Variants in USP8 observed in about 807,000 individuals in gnomAD.
The protein encoded by USP8 is ubiquitin carboxyl-terminal hydrolase 8.
A neutral mutation model predicts 130.0 loss-of-function variants in USP8; 27 were observed. The observed-to-expected ratio is 0.21, with a 90% CI of 0.15 to 0.29. The LOEUF (loss-of-function observed/expected upper bound fraction) is 0.29. Among genes scored for constraint, USP8 ranks in the 10% least tolerant of loss-of-function variants. USP8 has a pLI of 1.00. For missense variants in USP8, 1,029 were observed against 1,312.2 expected (o/e 0.78, Z 3.33); for synonymous variants, 392 against 444.1 (o/e 0.88, Z 1.48).
intron 10 of USP8, among the ~76,000 whole-genome samples, chr15:50,480,724 T>C (rs1406443445): frequency 1.3e-5 from 2 of 151,898 alleles, no homozygotes; most frequent in African/African-American, 2.4e-5. Flanking sequence ...TTACAGACTA[T>C]GGTAAAGATT....
chr15:50,473,431 A>T (rs911745014), intron 8 of USP8, among the ~76,000 whole-genome samples: 1 of 152,208 alleles, frequency 6.6e-6, no homozygotes, highest in Non-Finnish European at 1.5e-5. Flanking sequence ...AAAAGTCTGT[A>T]CATGCTCAGT....
intron 3 of USP8, among the ~76,000 whole-genome samples, chr15:50,442,367 G>C (rs984957067): frequency 2.0e-5 from 3 of 152,076 alleles, no homozygotes; most frequent in Admixed American, 6.6e-5. Flanking sequence ...GGAGGGCAGG[G>C]GCAATATAAA....
intron 10 of USP8, among the ~76,000 whole-genome samples, chr15:50,479,228 G>T (rs967029044): frequency 2.6e-5 from 4 of 152,192 alleles, no homozygotes; most frequent in Non-Finnish European, 5.9e-5. Context: ...TAGCTGAGAA[G>T]ATCAAGGACG....
At chr15:50,485,841 C>T (rs1311543993) in intron 12 of USP8, among the ~76,000 whole-genome samples, 1 of 152,040 alleles carries the variant, frequency 6.6e-6, no homozygotes, top group Admixed American at 6.6e-5. Flanking sequence ...ATAGTGTTTG[C>T]ATATAACCTA....
At chr15:50,441,969 C>CTTTT (rs1011150634) in intron 3 of USP8, among the ~76,000 whole-genome samples, 40 of 81,416 alleles carry the variant, frequency 4.9e-4, no homozygotes, top group Non-Finnish European at 6.6e-4. Flanking sequence ...CTCCCTAAAT[C>CTTTT]TTTTTTTTTT....
intron 8 of USP8, among the ~76,000 whole-genome samples, chr15:50,472,259 T>G (rs576655748): frequency 6.6e-6 from 1 of 152,022 alleles, no homozygotes; most frequent in East Asian, 1.9e-4. Flanking sequence ...TTGTTTTGGC[T>G]GGGTGTGGTA....
intron 3 of USP8, among the ~76,000 whole-genome samples, chr15:50,445,067 T>A (rs190882964): frequency 6.6e-6 from 1 of 151,694 alleles, no homozygotes; most frequent in East Asian, 2.0e-4. Context: ...TGCAGAACTG[T>A]TTTCTGTTTT....
chr15:50,497,860 AATTTTTGTGTCAAAAAAGC>A (rs2052477329), intron 18 of USP8, among the ~76,000 whole-genome samples: 1 of 152,182 alleles, frequency 6.6e-6, no homozygotes, highest in Non-Finnish European at 1.5e-5. Flanking sequence ...TGAGAGCTGT[AATTTTTGTGTCAAAAAAGC>A]ATTTCTGTTA....
At chr15:50,437,444 T>G (rs1011649928) in intron 1 of USP8, among the ~76,000 whole-genome samples, 1 of 152,234 alleles carries the variant, frequency 6.6e-6, no homozygotes, top group Admixed American at 6.5e-5. Flanking sequence ...ATTACACATA[T>G]TCTTGGTTTT....
chr15:50,493,407 C>T (rs1171376901), intron 15 of USP8: 4 of 519,074 alleles, frequency 7.7e-6, no homozygotes, highest in Non-Finnish European at 1.5e-5. Flanking sequence ...TAGTACTTAC[C>T]ACTCAGCTCC....
intron 12 of USP8, among the ~76,000 whole-genome samples, chr15:50,485,074 T>A (rs952559828): frequency 6.6e-6 from 1 of 152,206 alleles, no homozygotes; most frequent in African/African-American, 2.4e-5. Context: ...AGCAATATAC[T>A]TAGTATCACT....
rs1488522726 is a variant in USP8, at chr15:50,502,525, C to A, written c.*3437C>A. 6.6e-6 allele frequency: 1 copy of A among 152,162 alleles called. No individual in the cohort carries two copies. The highest frequency in any genetic ancestry group is 2.4e-5 in the African/African-American group (1 of 41,368). The allele number at this position is 152,162 out of a possible 1,614,324, so 9.4% of individuals were successfully genotyped here. On this transcript the variant is annotated 3_prime_UTR_variant, in exon 20 of 20. Transcript: ENST00000307179. ...CTGGGATTACAGGCACGCACCACCA[C>A]ACCCAGCTAATTTTTTGTATTTTTA...
At position 50,471,703 on chromosome 15, in the gene USP8, G is replaced by A; in HGVS notation, c.757G>A (p.Val253Met). The change falls in exon 8 of 20, where the codon GTG becomes ATG. Residue 253 changes from valine to methionine, a missense_variant. Physicochemically the swap from Val to Met is conservative, Grantham distance 21. Coordinates refer to ENST00000307179, the MANE Select transcript of USP8 (RefSeq NM_005154.5). Reference protein sequence around the residue: ...SKDTWKKRGNVEYVVLLDWFS... With the variant: ...SKDTWKKRGNMEYVVLLDWFS... Reference sequence around the variant, plus strand: ...AGACACATGGAAGAAGAGGGGGAATGTGGAGTATGTGGTACTTCTTGACTG... The same window carrying A: ...AGACACATGGAAGAAGAGGGGGAATATGGAGTATGTGGTACTTCTTGACTG... 6.2e-7 allele frequency: 1 copy of A among 1,614,132 alleles called. No homozygotes were observed. Among genetic ancestry groups the A allele is most frequent in the Non-Finnish European group, 8.5e-7 (1 of 1,180,022 alleles).
At chr15:50,469,901 G>A (rs207475484) in intron 7 of USP8, among the ~76,000 whole-genome samples, 3 of 148,220 alleles carry the variant, frequency 2.0e-5, no homozygotes, top group African/African-American at 5.0e-5. Flanking sequence ...GCGTGATCTC[G>A]GCTCACTGCA....
chr15:50,499,929 A>C lies in USP8; in HGVS notation c.*841A>C, dbSNP rs2052550145. ...TCACATATTGAGAATATTCATTCTAAATATTAAAGTAAAAATGCCGGGAGT... is the reference window on the plus strand; with the variant it reads ...TCACATATTGAGAATATTCATTCTACATATTAAAGTAAAAATGCCGGGAGT... On this transcript the variant is annotated 3_prime_UTR_variant, in exon 20 of 20. Transcript: ENST00000307179. 1 of 152,158 alleles carries C rather than the reference A, an allele frequency of 6.6e-6. No individual in the cohort carries two copies. The highest frequency in any genetic ancestry group is 1.5e-5 in the Non-Finnish European group (1 of 68,014). 9.4% of individuals were successfully genotyped at this position (152,158 alleles called of 1,614,324 possible).
At chr15:50,450,462 CTTTTTTTTTTTTTT>C (rs35800074) in intron 4 of USP8, among the ~76,000 whole-genome samples, 26 of 80,458 alleles carry the variant, frequency 3.2e-4, no homozygotes, top group African/African-American at 9.4e-4. Flanking sequence ...GTTAGTCATT[CTTTTTTTTTTTTTT>C]TTTTTTTTTT....
intron 15 of USP8, chr15:50,493,291 CG>C (rs1407585793): frequency 3.9e-6 from 2 of 514,200 alleles, no homozygotes; most frequent in Non-Finnish European, 7.7e-6. Flanking sequence ...GAATATTTGA[CG>C]TGAATCTGGT....
intron 16 of USP8, among the ~76,000 whole-genome samples, chr15:50,495,017 T>TAAAAAAAAAAA: frequency 8.8e-6 from 1 of 113,514 alleles, no homozygotes; most frequent in Non-Finnish European, 1.9e-5. Flanking sequence ...AGACTCTTTC[T>TAAAAAAAAAAA]AAAAAAAAAA....
chr15:50,428,402 C>T (rs2141242584), intron 1 of USP8, among the ~76,000 whole-genome samples: 1 of 152,334 alleles, frequency 6.6e-6, no homozygotes, highest in East Asian at 1.9e-4. Flanking sequence ...CAGGCGTTAG[C>T]TACCACGCCG....
Sources: gnomAD v4.1 joint callset for allele counts (sites outside exome capture counted in the v4.1 genomes callset) on GRCh38, gnomAD v4.1.1 for gene constraint, MANE v1.5 for transcripts, NCBI Gene and HGNC (gene_info 2026-07-23, HGNC 2026-07-21) for gene names.